Variants in PRDM12 observed in about 807,000 individuals in gnomAD.
The protein encoded by PRDM12 is PR domain zinc finger protein 12.
PRDM12 carries 17 observed loss-of-function variants against 29.6 expected under a neutral mutation model. That is an observed-to-expected ratio of 0.57 (90% CI 0.39 to 0.86). The LOEUF (loss-of-function observed/expected upper bound fraction) is 0.86. PRDM12 is among the 40% of genes least tolerant of loss of function. The pLI, the probability that PRDM12 is intolerant of heterozygous loss-of-function variation, is 0.00. For synonymous variants in PRDM12, 231 were observed against 225.8 expected (o/e 1.02, Z -0.21); for missense variants, 422 against 510.8 (o/e 0.83, Z 1.68).
In PRDM12 at chr9:130,680,659, A is replaced by ATATT; in HGVS notation, c.683-588_683-587insATTT. On this transcript the variant is annotated intron_variant, in intron 4 of 4. Coordinates refer to ENST00000253008, the MANE Select transcript of PRDM12 (RefSeq NM_021619.3). ...AATATATATATATATATATATATAT[A>ATATT]TTTTTTTTTTTTTTAACTGATCCTT... is the stretch of plus-strand genomic sequence containing the variant. Among the ~76,000 whole-genome samples the ATATT allele has an allele frequency of 3.0e-3, 220 of 72,142 alleles. 1 individual carries two copies. Among genetic ancestry groups the ATATT allele is most frequent in the Non-Finnish European group, 3.5e-3 (156 of 44,896 alleles). 47.3% of individuals were successfully genotyped at this position (72,142 alleles called of 152,430 possible).
intron 3 of PRDM12, among the ~76,000 whole-genome samples, chr9:130,675,702 G>A (rs1188070849): frequency 1.3e-5 from 2 of 152,234 alleles, no homozygotes; most frequent in East Asian, 1.9e-4. Flanking sequence ...CAGGCCCCAC[G>A]ACGTGAGGCG....
In PRDM12 at chr9:130,664,970, C is replaced by T. The variant is rs1286417630; in HGVS notation, c.223+94C>T. On this transcript the variant is annotated intron_variant, in intron 1 of 4. Coordinates refer to ENST00000253008, the MANE Select transcript of PRDM12 (RefSeq NM_021619.3). This position sits in a 1 kb window ranked among gnomAD's most constrained non-coding sequence, Gnocchi z 6.4. Reference sequence around the variant, plus strand: ...CGCGAGACGCGGCTGGGATACCCGGCCTCGCTGCTACTCGCGCCAACCTGG... The same window carrying T: ...CGCGAGACGCGGCTGGGATACCCGGTCTCGCTGCTACTCGCGCCAACCTGG... 1.6e-6 allele frequency: 2 copies of T among 1,287,064 alleles called. No individual in the cohort carries two copies. The highest frequency in any genetic ancestry group is 1.1e-6 in the Non-Finnish European group (1 of 951,506). 79.7% of individuals were successfully genotyped at this position (1,287,064 alleles called of 1,614,324 possible). A position where few individuals can be genotyped will look rare whatever the true frequency, so the allele number is the denominator to read the frequency against.
chr9:130,667,840 C>T (rs1049914101), intron 2 of PRDM12, among the ~76,000 whole-genome samples: 2 of 152,144 alleles, frequency 1.3e-5, no homozygotes, highest in Non-Finnish European at 2.9e-5. Context: ...CTTGAGAGAG[C>T]TCAGGGCCAC....
chr9:130,681,743 C>T lies in PRDM12; in HGVS notation c.*74C>T, dbSNP rs1830906924. On this transcript the variant is annotated 3_prime_UTR_variant, in exon 5 of 5. Transcript: ENST00000253008. The surrounding 1 kb of genome is among the most constrained non-coding windows in gnomAD (Gnocchi z 8.1). ...CCCCGGCCCCGCAGCGCGACTCGCCCTCCAGCCCCAACCCCCGGCCCGGCG... is the reference window on the plus strand; with the variant it reads ...CCCCGGCCCCGCAGCGCGACTCGCCTTCCAGCCCCAACCCCCGGCCCGGCG... 2 of 976,300 alleles carry T rather than the reference C, an allele frequency of 2.0e-6. No individual in the cohort carries two copies. Among genetic ancestry groups the T allele is most frequent in the African/African-American group, 1.8e-5 (1 of 56,838 alleles). 60.5% of individuals were successfully genotyped at this position (976,300 alleles called of 1,614,324 possible).
chr9:130,680,659 A>ATATATATATATTTTTTTTTT, intron 4 of PRDM12, among the ~76,000 whole-genome samples: 2 of 72,172 alleles, frequency 2.8e-5, no homozygotes, highest in African/African-American at 1.6e-4. Flanking sequence ...ATATATATAT[A>ATATATATATATTTTTTTTTT]TTTTTTTTTT....
In PRDM12 at chr9:130,668,387, G is replaced by A. The variant is rs748534438; in HGVS notation, c.570+74G>A. The A allele has an allele frequency of 1.7e-4, 268 of 1,593,188 alleles. No homozygotes were observed. Among genetic ancestry groups the A allele is most frequent in the Middle Eastern group, 5.2e-4 (3 of 5,804 alleles). On this transcript the variant is annotated intron_variant, in intron 3 of 4. Transcript: ENST00000253008. This position sits in a 1 kb window ranked among gnomAD's most constrained non-coding sequence, Gnocchi z 4.0. ...GGCGGGGGGAGGTGTGCAGGGCAGC[G>A]GTGTCCAGGAACCACAGTGGACAGA...
intron 3 of PRDM12, among the ~76,000 whole-genome samples, chr9:130,676,770 C>T (rs1281420801): frequency 2.6e-5 from 4 of 152,162 alleles, no homozygotes; most frequent in Non-Finnish European, 2.9e-5. Context: ...CCCTAAGGCT[C>T]GCCATGATGC....
rs1352994368 is a variant in PRDM12 at position 130,682,032 on chromosome 9, G to A, written c.*363G>A. On this transcript the variant is annotated 3_prime_UTR_variant, in exon 5 of 5. Coordinates refer to ENST00000253008, the MANE Select transcript of PRDM12 (RefSeq NM_021619.3). This position sits in a 1 kb window ranked among gnomAD's most constrained non-coding sequence, Gnocchi z 4.2. ...GGAGAGCGGACTTAGAGCCCCCGAG[G>A]GCCCCTCAGCAGAGGAAGGGGAGTC... 1.3e-5 allele frequency: 2 copies of A among 152,230 alleles called. No homozygotes were observed. Among genetic ancestry groups the A allele is most frequent in the African/African-American group, 4.8e-5 (2 of 41,436 alleles). 9.4% of individuals were successfully genotyped at this position (152,230 alleles called of 1,614,324 possible). A position where few individuals can be genotyped will look rare whatever the true frequency, so the allele number is the denominator to read the frequency against.
Position 130,668,259 on chromosome 9 carries a change from G to A in PRDM12, c.516G>A (p.Glu172=), listed in dbSNP as rs755205487. The A allele has an allele frequency of 6.2e-7, 1 of 1,614,212 alleles. No individual in the cohort carries two copies. Among genetic ancestry groups the A allele is most frequent in the Non-Finnish European group, 8.5e-7 (1 of 1,180,044 alleles). Residue 172 remains glutamate (E), a synonymous_variant, in exon 3 of 5, where the codon GAG becomes GAA. Coordinates refer to ENST00000253008, the MANE Select transcript of PRDM12 (RefSeq NM_021619.3). The surrounding 1 kb of genome is among the most constrained non-coding windows in gnomAD (Gnocchi z 4.0). ...TYIKCARNEQ[E]QNLEVVQIGT... ...TCAAGTGTGCACGTAACGAACAGGA[G>A]CAGAACCTGGAGGTGGTCCAGATCG...
chr9:130,668,239 T>C lies in PRDM12; in HGVS notation c.496T>C (p.Cys166Arg). ...DHRSWMTYIK[C>R]ARNEQEQNLE... is the part of the protein sequence containing the mutation. Reference sequence around the variant, plus strand: ...CCGGAGCTGGATGACCTACATCAAGTGTGCACGTAACGAACAGGAGCAGAA... The same window carrying C: ...CCGGAGCTGGATGACCTACATCAAGCGTGCACGTAACGAACAGGAGCAGAA... Residue 166 changes from cysteine (C) to arginine (R), a missense_variant, in exon 3 of 5, where the codon TGT becomes CGT. Cys to Arg is a radical substitution (Grantham distance 180, BLOSUM62 -3). Transcript: ENST00000253008. This position sits in a 1 kb window ranked among gnomAD's most constrained non-coding sequence, Gnocchi z 4.0. The C allele has an allele frequency of 6.2e-7, 1 of 1,614,148 alleles. No individual in the cohort carries two copies. Among genetic ancestry groups the C allele is most frequent in the Non-Finnish European group, 8.5e-7 (1 of 1,180,028 alleles).
At position 130,668,063 on chromosome 9, in the gene PRDM12, T is replaced by C. The variant is rs1201318324; in HGVS notation, c.415-95T>C. ...AAGCTTTATCCACTTCCTGGGGCTG[T>C]TGTGAGGATGGAGAGTGTGTGTGTG... On this transcript the variant is annotated intron_variant, in intron 2 of 4. Transcript: ENST00000253008. This position sits in a 1 kb window ranked among gnomAD's most constrained non-coding sequence, Gnocchi z 4.0. The C allele has an allele frequency of 2.1e-6, 3 of 1,436,906 alleles. No homozygotes were observed. Among genetic ancestry groups the C allele is most frequent in the South Asian group, 1.2e-5 (1 of 80,110 alleles). 89.0% of individuals were successfully genotyped at this position (1,436,906 alleles called of 1,614,324 possible).
Position 130,681,368 on chromosome 9 carries a change from A to G in PRDM12, c.803A>G (p.Asp268Gly). The change falls in exon 5 of 5, where the codon GAC becomes GGC. Residue 268 changes from aspartate to glycine, a missense_variant. Asp to Gly is a moderately conservative substitution (Grantham distance 94, BLOSUM62 -1). Transcript: ENST00000253008. The surrounding 1 kb of genome is among the most constrained non-coding windows in gnomAD (Gnocchi z 8.1). ...TCGCACATGCGCATCCACACGCTGG[A>G]CAAGCCCTTCGTGTGCCGCTTCTGC... ...LRSHMRIHTL[D>G]KPFVCRFCNR... 1 of 1,590,680 alleles carries G rather than the reference A, an allele frequency of 6.3e-7. No homozygotes were observed.
At position 130,674,824 on chromosome 9, in the gene PRDM12, C is replaced by T. The variant is rs149375371; in HGVS notation, c.571-3705C>T. Reference sequence around the variant, plus strand: ...AAAATTAATTTTAGTACATTAAAAGCGTTCTTAGTAAATAAATGACTCACC... The same window carrying T: ...AAAATTAATTTTAGTACATTAAAAGTGTTCTTAGTAAATAAATGACTCACC... On this transcript the variant is annotated intron_variant, in intron 3 of 4. Coordinates refer to ENST00000253008, the MANE Select transcript of PRDM12 (RefSeq NM_021619.3). Among the ~76,000 whole-genome samples, 445 of 152,144 alleles carry T rather than the reference C, an allele frequency of 2.9e-3. 2 individuals are homozygous for T. The South Asian group carries it at 0.03, about 10-fold the overall frequency.
At chr9:130,672,749 G>C (rs1588186508) in intron 3 of PRDM12, among the ~76,000 whole-genome samples, 1 of 152,192 alleles carries the variant, frequency 6.6e-6, no homozygotes, top group East Asian at 1.9e-4. Flanking sequence ...ATTGATGTTT[G>C]TCCAGATGAC....
At chr9:130,671,201 C>CGGG in intron 3 of PRDM12, among the ~76,000 whole-genome samples, 1 of 152,034 alleles carries the variant, frequency 6.6e-6, no homozygotes, top group African/African-American at 2.4e-5. Flanking sequence ...AAAAATTAGC[C>CGGG]AGTCATGGTG....
intron 4 of PRDM12, among the ~76,000 whole-genome samples, chr9:130,679,495 G>A (rs1198866422): frequency 6.6e-6 from 1 of 151,846 alleles, no homozygotes; most frequent in East Asian, 1.9e-4. Flanking sequence ...ACCATGCCCA[G>A]CTAATCTTTG....
intron 3 of PRDM12, among the ~76,000 whole-genome samples, chr9:130,669,815 CA>C (rs55753417): frequency 0.088 from 3,896 of 44,094 alleles, 86 homozygotes; most frequent in African/African-American, 0.24. Context: ...GACTCCATCT[CA>C]AAAAAAAAAA....
In PRDM12 at chr9:130,665,763, ACC is replaced by A. The variant is rs200776569; in HGVS notation, c.224-838_224-837del. 9.0e-3 allele frequency among the ~76,000 whole-genome samples: 1,347 copies of A among 149,918 alleles called. 11 individuals are homozygous for A. The highest frequency in any genetic ancestry group is 0.014 in the Middle Eastern group (4 of 294). ...GCCGCGCCGCAATGGACACCGTTTA[ACC>A]CCCCCCTTTCAGCCGGCCCGCTCGC... On this transcript the variant is annotated intron_variant, in intron 1 of 4. Coordinates refer to ENST00000253008, the MANE Select transcript of PRDM12 (RefSeq NM_021619.3).
At chr9:130,671,536 C>A (rs1564246209) in intron 3 of PRDM12, among the ~76,000 whole-genome samples, 1 of 152,132 alleles carries the variant, frequency 6.6e-6, no homozygotes, top group Non-Finnish European at 1.5e-5. Context: ...AAAATGCCAC[C>A]CATTTTACTT....
Sources: allele counts gnomAD v4.1 joint callset (sites outside exome capture counted in the v4.1 genomes callset), GRCh38; gene constraint gnomAD v4.1.1; non-coding constraint Gnocchi (gnomAD v3.1); transcripts MANE v1.5; gene names NCBI Gene and HGNC (gene_info 2026-07-23, HGNC 2026-07-21).